The following IFT74 variants were observed in gnomAD, a reference collection of about 807,000 sequenced individuals.
IFT74 encodes the protein intraflagellar transport protein 74 homolog.
A neutral mutation model predicts 96.7 loss-of-function variants in IFT74; 92 were observed. The observed-to-expected ratio is 0.95, with a 90% CI of 0.80 to 1.13. IFT74 has a LOEUF of 1.13. IFT74 is among the 50% of genes most tolerant of loss of function. The probability of loss-of-function intolerance (pLI) is 0.00; values close to 1 mark genes in which losing one functional copy is unlikely to be tolerated. For synonymous variants in IFT74, 223 were observed against 213.2 expected (o/e 1.05, Z -0.40); for missense variants, 811 against 698.2 (o/e 1.16, Z -1.82).
chr9:27,012,057 A>G (rs1829107031), intron 10 of IFT74, 89 bp downstream of exon 10: 2 of 756,376 alleles, frequency 2.6e-6, no homozygotes, highest in African/African-American at 1.8e-5. Context: ...ATTCAACTAC[A>G]TATTGATCTG....
intron 2 of IFT74, among the ~76,000 whole-genome samples, chr9:26,975,686 G>A (rs181876125): frequency 1.3e-5 from 2 of 152,258 alleles, no homozygotes; most frequent in East Asian, 3.9e-4. Flanking sequence ...TCCTACTAGA[G>A]ATTTCTCGCC....
At chr9:27,053,927 A>C (rs1820044953) in intron 16 of IFT74, among the ~76,000 whole-genome samples, 1 of 152,246 alleles carries the variant, frequency 6.6e-6, no homozygotes, top group African/African-American at 2.4e-5. Context: ...AGAGATAAGA[A>C]TCCAACAAAA....
Position 26,995,374 on chromosome 9 carries a change from C to T in IFT74, c.587+5179C>T. Reference sequence around the variant, plus strand: ...TTGAACCTGCTTGCTCAATATAATGCAAAGAACATAATTTTATGATATTCA... The same window carrying T: ...TTGAACCTGCTTGCTCAATATAATGTAAAGAACATAATTTTATGATATTCA... On this transcript the variant is annotated intron_variant, in intron 8 of 19. Transcript: ENST00000380062. 3 of 587,602 alleles carry T rather than the reference C, an allele frequency of 5.1e-6. No individual in the cohort carries two copies. The South Asian group carries it at 6.3e-5, about 12-fold the overall frequency. 36.4% of individuals were successfully genotyped at this position (587,602 alleles called of 1,614,324 possible).
At chr9:27,056,642 C>T (rs565788569) in intron 18 of IFT74, among the ~76,000 whole-genome samples, 183 bp downstream of exon 18, 114 of 152,090 alleles carry the variant, frequency 7.5e-4, no homozygotes, top group African/African-American at 2.5e-3. Flanking sequence ...CTTCCATAAA[C>T]CTATATTGAA....
At chr9:27,055,909 G>C (rs764632161) in intron 17 of IFT74, 137 bp downstream of exon 17, 1 of 591,006 alleles carries the variant, frequency 1.7e-6, no homozygotes, top group Non-Finnish European at 2.6e-6. Context: ...AAATAAAAAT[G>C]TTTACATATG....
chr9:26,970,220 A>G (rs957585126), intron 2 of IFT74, among the ~76,000 whole-genome samples: 2 of 152,110 alleles, frequency 1.3e-5, no homozygotes, highest in African/African-American at 4.8e-5. Context: ...CCTATTTAAT[A>G]TTTGCATTTT....
intron 2 of IFT74, among the ~76,000 whole-genome samples, chr9:26,970,484 A>G (rs1826835018): frequency 6.6e-6 from 1 of 152,356 alleles, no homozygotes; most frequent in Non-Finnish European, 1.5e-5. Context: ...GAATACATAT[A>G]CATCCACTTC....
chr9:26,965,605 A>G (rs1476978428), intron 2 of IFT74, among the ~76,000 whole-genome samples: 2 of 152,012 alleles, frequency 1.3e-5, no homozygotes, highest in African/African-American at 2.4e-5. Flanking sequence ...GCCACCTACT[A>G]TTTGCCAGGC....
At chr9:26,999,597 T>C (rs1343435757) in intron 8 of IFT74, 4 of 1,521,800 alleles carry the variant, frequency 2.6e-6, no homozygotes, top group Non-Finnish European at 3.6e-6. Flanking sequence ...TTTACTATTT[T>C]GATTGTAAAA....
At chr9:26,990,685 C>T (rs576211917) in intron 8 of IFT74, among the ~76,000 whole-genome samples, 12 of 152,232 alleles carry the variant, frequency 7.9e-5, no homozygotes, top group African/African-American at 2.4e-4. Context: ...TACCAACTAA[C>T]GCTGGAAATA....
chr9:26,960,644 G>A (rs969971871), intron 1 of IFT74, among the ~76,000 whole-genome samples: 1 of 152,186 alleles, frequency 6.6e-6, no homozygotes, highest in Non-Finnish European at 1.5e-5. Context: ...GAATAAAGGA[G>A]AGGGCTGATA....
chr9:26,974,644 A>G (rs1159634435), intron 2 of IFT74, among the ~76,000 whole-genome samples: 1 of 152,160 alleles, frequency 6.6e-6, no homozygotes, highest in East Asian at 1.9e-4. Flanking sequence ...CGGTAGGGAC[A>G]TTCTGACCAG....
chr9:26,988,417 C>T (rs1262539698), intron 6 of IFT74, among the ~76,000 whole-genome samples: 1 of 152,138 alleles, frequency 6.6e-6, no homozygotes, highest in African/African-American at 2.4e-5. Context: ...ATATAATATT[C>T]AGGAAGAGTT....
intron 13 of IFT74, among the ~76,000 whole-genome samples, chr9:27,040,893 G>A (rs879472256): frequency 2.0e-5 from 3 of 152,176 alleles, no homozygotes; most frequent in Non-Finnish European, 4.4e-5. Flanking sequence ...TCAGGAGAAC[G>A]TCATTTGATG....
In IFT74 at chr9:26,978,215, C is replaced by T. The variant is rs780596132; in HGVS notation, c.208C>T (p.Arg70Cys). Residue 70 changes from arginine (R) to cysteine (C), a missense_variant, in exon 3 of 20, where the codon CGC becomes TGC. Physicochemically the swap from Arg to Cys is radical, Grantham distance 180. Transcript: ENST00000380062. The part of the protein sequence containing the change: ...VLSSQIKVAH[R>C]PVTQQGLTGM... ...GTCTTCTCAAATCAAAGTTGCCCATCGCCCTGTAACACAACAAGGTTTGAC... is the reference window on the plus strand; with the variant it reads ...GTCTTCTCAAATCAAAGTTGCCCATTGCCCTGTAACACAACAAGGTTTGAC... The T allele has an allele frequency of 1.1e-5, 17 of 1,613,378 alleles. No homozygotes were observed. The highest frequency in any genetic ancestry group is 1.4e-5 in the Non-Finnish European group (16 of 1,179,838).
chr9:27,006,040 C>T (rs1265080923), intron 8 of IFT74, among the ~76,000 whole-genome samples: 1 of 151,974 alleles, frequency 6.6e-6, no homozygotes, highest in Non-Finnish European at 1.5e-5. Flanking sequence ...GATGCGGTTT[C>T]ACCATGTTGG....
At chr9:27,059,587 C>T (rs1820324069) in intron 18 of IFT74, among the ~76,000 whole-genome samples, 1 of 152,194 alleles carries the variant, frequency 6.6e-6, no homozygotes, top group Non-Finnish European at 1.5e-5. Context: ...CTGCTGACTG[C>T]TTCCTTAAGT....
At chr9:27,009,619 C>G (rs1416179950) in intron 9 of IFT74, among the ~76,000 whole-genome samples, 2 of 151,750 alleles carry the variant, frequency 1.3e-5, no homozygotes, top group Non-Finnish European at 2.9e-5. Flanking sequence ...CAGTAGTGAG[C>G]TGAGATTGCA....
chr9:27,062,971 C>G lies in IFT74; in HGVS notation c.*235C>G. 1 of 414,764 alleles carries G rather than the reference C, an allele frequency of 2.4e-6. No homozygotes were observed. Among genetic ancestry groups the G allele is most frequent in the Non-Finnish European group, 4.2e-6 (1 of 235,378 alleles). The allele number at this position is 414,764 out of a possible 1,614,324, so 25.7% of individuals were successfully genotyped here. A position where few individuals can be genotyped will look rare whatever the true frequency, so the allele number is the denominator to read the frequency against. On this transcript the variant is annotated 3_prime_UTR_variant, in exon 20 of 20. Coordinates refer to ENST00000380062, the MANE Select transcript of IFT74 (RefSeq NM_025103.4). ...CTTTTTATGCTACTTGTATTTGAAC[C>G]AAGAGATAAAGAAACTAAAAGTGAC...
Sources: allele counts gnomAD v4.1 joint callset (sites outside exome capture counted in the v4.1 genomes callset), GRCh38; gene constraint gnomAD v4.1.1; transcripts MANE v1.5; gene names NCBI Gene and HGNC (gene_info 2026-07-23, HGNC 2026-07-21).